Variants in APBB1IP observed in about 807,000 individuals in gnomAD.
The protein encoded by APBB1IP is amyloid beta A4 precursor protein-binding family B member 1-interacting protein.
A neutral mutation model predicts 64.9 loss-of-function variants in APBB1IP; 27 were observed. The ratio of observed to expected loss-of-function variants is 0.42; its 90% CI spans 0.31 to 0.57. APBB1IP has a LOEUF of 0.57. APBB1IP is among the 20% of genes least tolerant of loss of function. The pLI is 0.20. For synonymous variants in APBB1IP, 392 were observed against 331.0 expected (o/e 1.18, Z -2.00); for missense variants, 812 against 845.5 (o/e 0.96, Z 0.49).
intron 2 of APBB1IP, among the ~76,000 whole-genome samples, chr10:26,475,761 ATT>A (rs202160502): frequency 6.6e-6 from 1 of 151,940 alleles, no homozygotes; most frequent in Non-Finnish European, 1.5e-5. Flanking sequence ...GAGAGATAAT[ATT>A]TTTTTTCCTT....
At chr10:26,469,799 T>C (rs569783691) in intron 2 of APBB1IP, among the ~76,000 whole-genome samples, 29 of 152,326 alleles carry the variant, frequency 1.9e-4, no homozygotes, top group Non-Finnish European at 3.8e-4. Context: ...CAAAGTCTAT[T>C]GTTCCCATCT....
chr10:26,482,878 G>T (rs1159920186), intron 2 of APBB1IP, among the ~76,000 whole-genome samples: 1 of 150,414 alleles, frequency 6.6e-6, no homozygotes, highest in East Asian at 1.9e-4. Context: ...CTGAGGTCAG[G>T]TGTTTGAGAC....
intron 6 of APBB1IP, among the ~76,000 whole-genome samples, chr10:26,510,737 C>A (rs1367734467): frequency 7.9e-5 from 10 of 126,946 alleles, no homozygotes; most frequent in Non-Finnish European, 1.7e-4. Flanking sequence ...CCCTGTCTCA[C>A]ACACACACAC....
intron 8 of APBB1IP, among the ~76,000 whole-genome samples, chr10:26,527,176 C>T (rs963542907): frequency 6.6e-6 from 1 of 152,196 alleles, no homozygotes; most frequent in African/African-American, 2.4e-5. Flanking sequence ...GGAAGGTCTA[C>T]CCATGACTTC....
chr10:26,468,541 T>A (rs1434401508), intron 2 of APBB1IP, among the ~76,000 whole-genome samples: 1 of 152,238 alleles, frequency 6.6e-6, no homozygotes, highest in Non-Finnish European at 1.5e-5. Flanking sequence ...TATGTGTATA[T>A]GTTCGTGGGT....
intron 8 of APBB1IP, among the ~76,000 whole-genome samples, chr10:26,529,219 G>A (rs191158725): frequency 6.6e-5 from 10 of 152,286 alleles, no homozygotes; most frequent in Admixed American, 5.2e-4. Context: ...ATGACTAAAC[G>A]TTGAGTTCTG....
At chr10:26,540,374 A>G (rs1836682173) in intron 10 of APBB1IP, among the ~76,000 whole-genome samples, 2 of 152,226 alleles carry the variant, frequency 1.3e-5, no homozygotes, top group Admixed American at 1.3e-4. Context: ...CAGGAATTCA[A>G]GACCAGCCTG....
At chr10:26,496,200 G>T in intron 3 of APBB1IP, 104 bp from the exon 4 acceptor site, 1 of 827,178 alleles carries the variant, frequency 1.2e-6, no homozygotes, top group South Asian at 1.7e-5. Context: ...CACACTAAGG[G>T]AGAAAATGTG....
chr10:26,476,466 G>GAA (rs1554774288), intron 2 of APBB1IP, among the ~76,000 whole-genome samples: 1,012 of 91,422 alleles, frequency 0.011, 13 homozygotes, highest in African/African-American at 0.032. Flanking sequence ...AAAAAAAAAA[G>GAA]AAGAAAAGAA....
chr10:26,472,724 G>A (rs1257132857), intron 2 of APBB1IP, among the ~76,000 whole-genome samples: 2 of 152,134 alleles, frequency 1.3e-5, no homozygotes, highest in Non-Finnish European at 2.9e-5. Flanking sequence ...ATCACCTGAA[G>A]TCAGGAGTTC....
intron 6 of APBB1IP, among the ~76,000 whole-genome samples, chr10:26,506,148 C>T (rs1164781019): frequency 1.3e-5 from 2 of 151,494 alleles, no homozygotes; most frequent in Admixed American, 6.6e-5. Flanking sequence ...ACCTTCCTAG[C>T]GAGGCCTTTC....
intron 8 of APBB1IP, among the ~76,000 whole-genome samples, chr10:26,527,685 C>CTT (rs768509910): frequency 0.021 from 1,405 of 68,526 alleles, 22 homozygotes; most frequent in African/African-American, 0.032. Flanking sequence ...AGGTCCATGT[C>CTT]TTTTTTTTTT....
Position 26,533,520 on chromosome 10 carries a change from CT to C in APBB1IP, c.897del (p.Glu300ArgfsTer20). ...GAATGCTAAGAACAAGGAATCCTTACTTGAGGTAAGGTTAATTTTGCAGAGT... is the reference window on the plus strand; with the variant it reads ...GAATGCTAAGAACAAGGAATCCTTACTGAGGTAAGGTTAATTTTGCAGAGT... ...KMNAKNKESL[L>X]EESFCGTSII... On this transcript the variant is annotated frameshift_variant, in exon 9 of 15. Transcript: ENST00000376236. LOFTEE classifies it high-confidence loss of function. The C allele has an allele frequency of 6.3e-7, 1 of 1,595,788 alleles. No homozygotes were observed. The highest frequency in any genetic ancestry group is 8.5e-7 in the Non-Finnish European group (1 of 1,172,220).
chr10:26,479,659 T>G (rs1417796982), intron 2 of APBB1IP, among the ~76,000 whole-genome samples: 1 of 152,252 alleles, frequency 6.6e-6, no homozygotes, highest in African/African-American at 2.4e-5. Flanking sequence ...ATTGTAATCT[T>G]TATGATGATT....
At chr10:26,467,094 T>C (rs1424112405) in intron 2 of APBB1IP, among the ~76,000 whole-genome samples, 1 of 152,040 alleles carries the variant, frequency 6.6e-6, no homozygotes, top group Non-Finnish European at 1.5e-5. Context: ...AATATAGAGA[T>C]GGGGTTTCAC....
intron 3 of APBB1IP, 40 bp downstream of exon 3, chr10:26,492,438 A>G (rs1422819366): frequency 3.8e-6 from 6 of 1,573,348 alleles, no homozygotes; most frequent in Admixed American, 1.7e-5. Context: ...GAAAACAAAA[A>G]TAGAGTTGCA....
At chr10:26,491,117 A>G (rs1835949814) in intron 2 of APBB1IP, among the ~76,000 whole-genome samples, 1 of 152,064 alleles carries the variant, frequency 6.6e-6, no homozygotes, top group Non-Finnish European at 1.5e-5. Context: ...CGTCTCTACT[A>G]AAAATACAAA....
chr10:26,521,436 G>T (rs1836400194), intron 8 of APBB1IP, among the ~76,000 whole-genome samples: 1 of 152,202 alleles, frequency 6.6e-6, no homozygotes, highest in African/African-American at 2.4e-5. Flanking sequence ...TGGTGCAGGG[G>T]TTGGAGCGTT....
rs943478234 is a variant in APBB1IP, at chr10:26,550,026, G to GT, written c.1155+8344dup. Among the ~76,000 whole-genome samples the GT allele has an allele frequency of 8.2e-4, 120 of 145,616 alleles. 1 individual carries two copies. Among genetic ancestry groups the GT allele is most frequent in the African/African-American group, 2.0e-3 (80 of 39,842 alleles). Reference sequence around the variant, plus strand: ...AGCTTTTCTGGGTACAGTATTCTTGGTTTTTTTTTTAATCTTTTTTTTAAT... The same window carrying GT: ...AGCTTTTCTGGGTACAGTATTCTTGGTTTTTTTTTTTAATCTTTTTTTTAAT... On this transcript the variant is annotated intron_variant, in intron 11 of 14. Transcript: ENST00000376236.
Sources: allele counts gnomAD v4.1 joint callset (sites outside exome capture counted in the v4.1 genomes callset), GRCh38; gene constraint gnomAD v4.1.1; transcripts MANE v1.5; gene names NCBI Gene and HGNC (gene_info 2026-07-23, HGNC 2026-07-21).